The following CIC variants were observed in gnomAD, a reference collection of about 807,000 sequenced individuals.
CIC encodes the protein capicua transcriptional repressor.
A neutral mutation model predicts 115.7 loss-of-function variants in CIC; 18 were observed. The observed-to-expected ratio is 0.16, with a 90% CI of 0.11 to 0.23. The LOEUF (loss-of-function observed/expected upper bound fraction) is 0.23. CIC is among the 10% of genes least tolerant of loss of function. The probability of loss-of-function intolerance (pLI) is 1.00; values close to 1 mark genes in which losing one functional copy is unlikely to be tolerated. For synonymous variants in CIC, 1,076 were observed against 923.0 expected, an observed-to-expected ratio of 1.17 and a Z score of -3.01; for missense variants, 2,000 against 2,159.3, an observed-to-expected ratio of 0.93 and a Z score of 1.46.
Position 42,287,447 on chromosome 19 carries a change from A to G in CIC, c.3307A>G (p.Lys1103Glu). 1 of 1,613,230 alleles carries G rather than the reference A, an allele frequency of 6.2e-7. No homozygotes were observed. The highest frequency in any genetic ancestry group is 8.5e-7 in the Non-Finnish European group (1 of 1,180,010). The part of the protein sequence containing the change: ...SSEKDGRSPN[K>E]REKDHIRRPM... ...TGAGAAGGATGGACGCAGCCCCAAC[A>G]AGGTACTTTATCCCTGCCTGTCCTG... Residue 1103 changes from lysine to glutamate, a missense_variant and splice_region_variant, in exon 5 of 21, where the codon AAG (lysine) becomes GAG (glutamate). Lys to Glu is a moderately conservative substitution (Grantham distance 56). Coordinates refer to ENST00000681038, the MANE Select transcript of CIC (RefSeq NM_001386298.1). The surrounding 1 kb of genome is among the most constrained non-coding windows in gnomAD (Gnocchi z 8.7).
chr19:42,281,816 G>A (rs182841682), intron 2 of CIC, among the ~76,000 whole-genome samples: 1 of 152,278 alleles, frequency 6.6e-6, no homozygotes, highest in Admixed American at 6.5e-5. Context: ...TGGGCACTGT[G>A]TATTCTACCA....
chr19:42,286,817 C>G lies in CIC; in HGVS notation c.2841C>G (p.His947Gln). 1 of 1,614,036 alleles carries G rather than the reference C, an allele frequency of 6.2e-7. No homozygotes were observed. The highest frequency in any genetic ancestry group is 8.5e-7 in the Non-Finnish European group (1 of 1,179,996). ...GCTCTGTGGCTGTGTTCCCTTGGCA[C>G]TCCTTAGTCCCCTTCCTGGCACCCA... Reference protein sequence around the residue: ...EPRSVAVFPWHSLVPFLAPSQ... With the variant: ...EPRSVAVFPWQSLVPFLAPSQ... The change falls in exon 3 of 21, where the codon CAC becomes CAG. Residue 947 changes from histidine to glutamine, a missense_variant. By Grantham distance (24) the His-to-Gln change is conservative. This residue lies in a region of CIC where 222 missense variants were observed against 247.7 expected (regional missense o/e 0.90). Transcript: ENST00000681038.
In CIC at chr19:42,291,250, A is replaced by G; in HGVS notation, c.5209A>G (p.Ile1737Val). Residue 1737 changes from isoleucine (I) to valine (V), a missense_variant, in exon 11 of 21, where the codon ATC becomes GTC. Around this residue, in one of 8 missense-constraint regions of CIC, gnomAD observed 1,466 missense variants for 1,390.4 expected, o/e 1.05. Coordinates refer to ENST00000681038, the MANE Select transcript of CIC (RefSeq NM_001386298.1). ...TGGGGGAATCACCCAGGTACAGTACATCCTGCCCACGCTGCCCCAGCAGCT... is the reference window on the plus strand; with the variant it reads ...TGGGGGAATCACCCAGGTACAGTACGTCCTGCCCACGCTGCCCCAGCAGCT... ...KAGGITQVQYILPTLPQQLQV... is the reference protein window; with the variant it reads ...KAGGITQVQYVLPTLPQQLQV... The G allele has an allele frequency of 6.2e-7, 1 of 1,612,332 alleles. No homozygotes were observed. The highest frequency in any genetic ancestry group is 1.7e-5 in the Admixed American group (1 of 59,940).
In CIC at chr19:42,270,887, G is replaced by A. The variant is rs1304813748; in HGVS notation, c.-10-887G>A. Reference sequence around the variant, plus strand: ...CGTGCGTGTGCTCATGCACGGCCCCGTGGCAGTGCTGGGTATGAGCTCTTG... The same window carrying A: ...CGTGCGTGTGCTCATGCACGGCCCCATGGCAGTGCTGGGTATGAGCTCTTG... On this transcript the variant is annotated intron_variant, in intron 1 of 20. Transcript: ENST00000681038. This position sits in a 1 kb window ranked among gnomAD's most constrained non-coding sequence, Gnocchi z 4.1. Among the ~76,000 whole-genome samples, 1 of 152,190 alleles carries A rather than the reference G, an allele frequency of 6.6e-6. No homozygotes were observed. The highest frequency in any genetic ancestry group is 1.5e-5 in the Non-Finnish European group (1 of 68,022).
rs2147354001 is a variant in CIC at position 42,294,836 on chromosome 19, C to T, written c.7199C>T (p.Ala2400Val). The change falls in exon 21 of 21, where the codon GCC becomes GTC. Residue 2400 changes from alanine (A) to valine (V), a missense_variant. This residue lies in a region of CIC where 17 missense variants were observed against 17.8 expected (regional missense o/e 0.95). Transcript: ENST00000681038. ...HGFFPSAQAT[A>V]AFQARYADIF... ...TTTCTATCTCCAGCCCAGGCCACAG[C>T]CGCCTTCCAGGCCCGCTATGCAGAC... 1 of 1,602,228 alleles carries T rather than the reference C, an allele frequency of 6.2e-7. No individual in the cohort carries two copies. Among genetic ancestry groups the T allele is most frequent in the Non-Finnish European group, 8.5e-7 (1 of 1,179,958 alleles).
intron 1 of CIC, among the ~76,000 whole-genome samples, chr19:42,269,940 T>C (rs902877262): frequency 6.6e-5 from 10 of 151,510 alleles, no homozygotes; most frequent in African/African-American, 2.2e-4. Context: ...TACTCAGATC[T>C]GAGGAAGGTG....
rs776652818 is a variant in CIC, at chr19:42,289,052, G to C, written c.3823G>C (p.Gly1275Arg). 2 of 1,613,562 alleles carry C rather than the reference G, an allele frequency of 1.2e-6. No homozygotes were observed. The highest frequency in any genetic ancestry group is 1.7e-6 in the Non-Finnish European group (2 of 1,180,032). ...SHSGVHSLDGGEVDSQALQEL... is the reference protein window; with the variant it reads ...SHSGVHSLDGREVDSQALQEL... ...CAGCGGGGTACACAGCCTGGACGGCGGAGAAGTAGACAGTCAGGCGCTACA... is the reference window on the plus strand; with the variant it reads ...CAGCGGGGTACACAGCCTGGACGGCCGAGAAGTAGACAGTCAGGCGCTACA... The change falls in exon 8 of 21, where the codon GGA becomes CGA. Residue 1275 changes from glycine (G) to arginine (R), a missense_variant. Transcript: ENST00000681038.
rs546141825 is a variant in CIC, at chr19:42,290,718, C to A, written c.4677C>A (p.Ala1559=). The A allele has an allele frequency of 6.2e-7, 1 of 1,612,514 alleles. No homozygotes were observed. Among genetic ancestry groups the A allele is most frequent in the African/African-American group, 1.3e-5 (1 of 74,910 alleles). The stretch of plus-strand genomic sequence containing the variant: ...GCGGCGGAGCCAGAGTGCCCTCCGC[C>A]CCCGCCCCATCACTGGCCTATGGGG... The part of the protein sequence containing the change: ...QEGGGARVPS[A]PAPSLAYGAP... Residue 1559 remains alanine, a synonymous_variant, in exon 11 of 21, where the codon GCC becomes GCA. Coordinates refer to ENST00000681038, the MANE Select transcript of CIC (RefSeq NM_001386298.1).
rs1257853365 is a variant in CIC, at chr19:42,273,909, T to C, written c.2126T>C (p.Ile709Thr). The change falls in exon 2 of 21, where the codon ATC becomes ACC. Residue 709 changes from isoleucine to threonine, a missense_variant. Around this residue, in one of 8 missense-constraint regions of CIC, gnomAD observed 222 missense variants for 247.7 expected, o/e 0.90. Coordinates refer to ENST00000681038, the MANE Select transcript of CIC (RefSeq NM_001386298.1). Reference sequence around the variant, plus strand: ...ACCAACCTGACCTTCACCGTGCCCATCAGCCCTGGGCGACGGAAGACAGAG... The same window carrying C: ...ACCAACCTGACCTTCACCGTGCCCACCAGCCCTGGGCGACGGAAGACAGAG... ...FQTNLTFTVP[I>T]SPGRRKTELL... 2.5e-6 allele frequency: 1 copy of C among 397,464 alleles called. No homozygotes were observed. The highest frequency in any genetic ancestry group is 4.4e-6 in the Non-Finnish European group (1 of 225,890). The allele number at this position is 397,464 out of a possible 1,614,324, so 24.6% of individuals were successfully genotyped here. A position where few individuals can be genotyped will look rare whatever the true frequency, so the allele number is the denominator to read the frequency against.
intron 2 of CIC, among the ~76,000 whole-genome samples, chr19:42,279,510 CAAAG>C (rs2037124899): frequency 6.6e-6 from 1 of 152,154 alleles, no homozygotes; most frequent in South Asian, 2.1e-4. Context: ...TCAGAATAGT[CAAAG>C]AAAGGAAAAG....
In CIC at chr19:42,286,854, C is replaced by A. The variant is rs756596852; in HGVS notation, c.2878C>A (p.Pro960Thr). The change falls in exon 3 of 21, where the codon CCC (proline) becomes ACC (threonine). Residue 960 changes from proline to threonine, a missense_variant. Around this residue, in one of 8 missense-constraint regions of CIC, gnomAD observed 222 missense variants for 247.7 expected, o/e 0.90. Transcript: ENST00000681038. ...VPFLAPSQPD[P>T]SVQPSEAQQP... ...CTTCCTGGCACCCAGCCAGCCTGAC[C>A]CCTCCGTGCAGCCGAGCGAGGCCCA... The A allele has an allele frequency of 1.2e-6, 2 of 1,613,840 alleles. No homozygotes were observed. The highest frequency in any genetic ancestry group is 1.7e-6 in the Non-Finnish European group (2 of 1,179,992).
rs996916154 is a variant in CIC, at chr19:42,274,112, C to T, written c.2329C>T (p.Arg777Cys). Residue 777 changes from arginine to cysteine, a missense_variant, in exon 2 of 21, where the codon CGC becomes TGC. Transcript: ENST00000681038. ...VSPAVPFSRSRQPSPLLLLPP... is the reference protein window; with the variant it reads ...VSPAVPFSRSCQPSPLLLLPP... ...CCCTGCTGTGCCCTTCTCTCGCTCCCGCCAGCCCTCACCATTGCTGCTGTT... is the reference window on the plus strand; with the variant it reads ...CCCTGCTGTGCCCTTCTCTCGCTCCTGCCAGCCCTCACCATTGCTGCTGTT... The T allele has an allele frequency of 1.7e-5, 7 of 400,504 alleles. No individual in the cohort carries two copies. Among genetic ancestry groups the T allele is most frequent in the Admixed American group, 4.4e-5 (1 of 22,842 alleles). The allele number at this position is 400,504 out of a possible 1,614,324, so 24.8% of individuals were successfully genotyped here.
Position 42,295,142 on chromosome 19 carries a change from A to AGGG in CIC, c.7506_7507insGGG (p.Gln2502_Pro2503insGly). On this transcript the variant is annotated inframe_insertion, in exon 21 of 21. Coordinates refer to ENST00000681038, the MANE Select transcript of CIC (RefSeq NM_001386298.1). ...CAGCCTGGCTGGGAGGGGGCTCCCC[A>AGGG]GCCCTCCCCCCCACCCCCAGGTCCC... The AGGG allele has an allele frequency of 7.2e-5, 40 of 558,638 alleles. No homozygotes were observed. In the Middle Eastern group the frequency reaches 1.7e-3, roughly 23 times the overall value. 34.6% of individuals were successfully genotyped at this position (558,638 alleles called of 1,614,324 possible). A position where few individuals can be genotyped will look rare whatever the true frequency, so the allele number is the denominator to read the frequency against.
chr19:42,281,620 C>G (rs1267485714), intron 2 of CIC, among the ~76,000 whole-genome samples: 1 of 152,172 alleles, frequency 6.6e-6, no homozygotes, highest in Non-Finnish European at 1.5e-5. Flanking sequence ...GCTCCCTCCC[C>G]TCTGCTCCTA....
At chr19:42,288,163 C>T (rs1372634538) in intron 7 of CIC, among the ~76,000 whole-genome samples, 188 bp downstream of exon 7, 3 of 152,228 alleles carry the variant, frequency 2.0e-5, no homozygotes, top group Non-Finnish European at 2.9e-5. Context: ...CACACAGATA[C>T]TAAGATTCCC....
chr19:42,278,591 G>A (rs1677754511), intron 2 of CIC, among the ~76,000 whole-genome samples: 3 of 152,130 alleles, frequency 2.0e-5, no homozygotes, highest in Admixed American at 1.3e-4. Flanking sequence ...CTGGCATCCT[G>A]TGTCTCTGAG....
rs1219984408 is a variant in CIC, at chr19:42,272,436, C to T, written c.653C>T (p.Pro218Leu). 2 of 398,438 alleles carry T rather than the reference C, an allele frequency of 5.0e-6. No individual in the cohort carries two copies. Among genetic ancestry groups the T allele is most frequent in the Non-Finnish European group, 4.4e-6 (1 of 226,004 alleles). 24.7% of individuals were successfully genotyped at this position (398,438 alleles called of 1,614,324 possible). ...CGGCGTGGTGATGGCCTTTTCCTGC[C>T]GGCTGTGGTGCGCCAGGTGCGCCGA... ...LARRGDGLFL[P>L]AVVRQVRRSQ... Residue 218 changes from proline (P) to leucine (L), a missense_variant, in exon 2 of 21, where the codon CCG becomes CTG. Physicochemically the swap from Pro to Leu is moderately conservative, Grantham distance 98 (BLOSUM62 -3). Around this residue, in one of 8 missense-constraint regions of CIC, gnomAD observed 222 missense variants for 247.7 expected, o/e 0.90. Coordinates refer to ENST00000681038, the MANE Select transcript of CIC (RefSeq NM_001386298.1).
chr19:42,275,761 G>A (rs1376889712), intron 2 of CIC, among the ~76,000 whole-genome samples: 1 of 152,184 alleles, frequency 6.6e-6, no homozygotes, highest in Non-Finnish European at 1.5e-5. Flanking sequence ...CAGTCTTCCT[G>A]TCTTGGCCTC....
In CIC at chr19:42,274,022, T is replaced by C. The variant is rs1308160565; in HGVS notation, c.2239T>C (p.Ser747Pro). The change falls in exon 2 of 21, where the codon TCT becomes CCT. Residue 747 changes from serine (S) to proline (P), a missense_variant. Coordinates refer to ENST00000681038, the MANE Select transcript of CIC (RefSeq NM_001386298.1). The part of the protein sequence containing the change: ...PDFPKSDSLD[S>P]GVDSVSHTPT... ...CTTTCCCAAGAGTGACAGCTTAGAC[T>C]CTGGTGTGGACTCAGTGTCCCACAC... The C allele has an allele frequency of 2.5e-6, 1 of 398,558 alleles. No individual in the cohort carries two copies. Among genetic ancestry groups the C allele is most frequent in the African/African-American group, 2.1e-5 (1 of 48,606 alleles). The allele number at this position is 398,558 out of a possible 1,614,324, so 24.7% of individuals were successfully genotyped here. A position where few individuals can be genotyped will look rare whatever the true frequency, so the allele number is the denominator to read the frequency against.
Sources: allele counts gnomAD v4.1 joint callset (sites outside exome capture counted in the v4.1 genomes callset), GRCh38; gene constraint gnomAD v4.1.1; regional missense constraint gnomAD v4.1.1; non-coding constraint Gnocchi (gnomAD v3.1); transcripts MANE v1.5; gene names NCBI Gene and HGNC (gene_info 2026-07-23, HGNC 2026-07-21).